TRAK1: variants seen among roughly 807,000 people sequenced by gnomAD.
TRAK1 encodes the protein trafficking kinesin-binding protein 1.
TRAK1 carries 33 observed loss-of-function variants against 92.1 expected under a neutral mutation model. The observed-to-expected ratio is 0.36, with a 90% confidence interval of 0.27 to 0.48. The LOEUF is 0.48. Ranked by LOEUF, TRAK1 falls within the 20% of genes least tolerant of loss-of-function variation. TRAK1 has a pLI of 0.99. For missense variants in TRAK1, 1,123 were observed against 1,257.9 expected (o/e 0.89, Z 1.62); for synonymous variants, 521 against 517.3 (o/e 1.01, Z -0.10).
At chr3:42,196,702 TA>T (rs1301304579) in intron 10 of TRAK1, among the ~76,000 whole-genome samples, 4 of 65,132 alleles carry the variant, frequency 6.1e-5, no homozygotes, top group Non-Finnish European at 1.3e-4. Context: ...CACGCCCGGC[TA>T]ATTTTTTTTT....
At chr3:42,032,802 C>A (rs748185674) in intron 1 of TRAK1, among the ~76,000 whole-genome samples, 1 of 152,152 alleles carries the variant, frequency 6.6e-6, no homozygotes, top group Non-Finnish European at 1.5e-5. Context: ...GCGTGCCTGT[C>A]GTTCCAGCTA....
chr3:42,019,515 G>A (rs1701655313), intron 1 of TRAK1, among the ~76,000 whole-genome samples: 1 of 152,122 alleles, frequency 6.6e-6, no homozygotes, highest in Admixed American at 6.6e-5. Flanking sequence ...CGATCCTTCT[G>A]CCTTGGCCTC....
intron 2 of TRAK1, among the ~76,000 whole-genome samples, chr3:42,140,188 TC>T (rs2149213889): frequency 6.6e-6 from 1 of 152,232 alleles, no homozygotes; most frequent in Non-Finnish European, 1.5e-5. Flanking sequence ...CAAGCTTTGT[TC>T]CCCCACCTTC....
intron 2 of TRAK1, 84 bp from the exon 3 acceptor site, chr3:42,176,730 C>T (rs1022660786): frequency 8.5e-6 from 11 of 1,291,878 alleles, no homozygotes; most frequent in Non-Finnish European, 1.2e-5. Flanking sequence ...GCAGGCACAA[C>T]ATTAGGGGCA....
chr3:42,084,166 T>C (rs546749967), upstream of TRAK1, among the ~76,000 whole-genome samples: 22 of 152,312 alleles, frequency 1.4e-4, no homozygotes, highest in African/African-American at 5.1e-4. Flanking sequence ...TGTCTTAAGC[T>C]TTTTTTGTTT....
chr3:42,112,368 C>T lies in TRAK1; in HGVS notation c.92-13052C>T, dbSNP rs570282409. Reference sequence around the variant, plus strand: ...ACTTGAACCTGGGAGGTGGAGGTTGCAGTGAGCCGAGATTGCACCACTGCA... The same window carrying T: ...ACTTGAACCTGGGAGGTGGAGGTTGTAGTGAGCCGAGATTGCACCACTGCA... On this transcript the variant is annotated intron_variant, in intron 1 of 15. Transcript: ENST00000327628. Among the ~76,000 whole-genome samples the T allele has an allele frequency of 1.4e-3, 209 of 148,980 alleles. 2 individuals are homozygous for T. The highest frequency in any genetic ancestry group is 4.7e-3 in the Admixed American group (70 of 14,964).
At chr3:42,130,894 A>T (rs967306448) in intron 2 of TRAK1, among the ~76,000 whole-genome samples, 2 of 152,130 alleles carry the variant, frequency 1.3e-5, no homozygotes, top group Non-Finnish European at 2.9e-5. Flanking sequence ...CAGCCAGGGT[A>T]TGTGGGGCCA....
intron 14 of TRAK1, chr3:42,211,593 C>G: frequency 1.0e-6 from 1 of 985,380 alleles, no homozygotes; most frequent in Non-Finnish European, 1.2e-6. Flanking sequence ...GGATGCTCCC[C>G]TACAGCCTTA....
intron 13 of TRAK1, chr3:42,203,573 C>T (rs1707963341): frequency 1.0e-6 from 1 of 983,126 alleles, no homozygotes; most frequent in Non-Finnish European, 1.2e-6. Context: ...CCAAGAGCCA[C>T]CAAGTGCTTA....
In TRAK1 at chr3:42,223,484, A is replaced by G. The variant is rs751998299; in HGVS notation, c.2609A>G (p.Gln870Arg). The G allele has an allele frequency of 3.1e-6, 5 of 1,613,792 alleles. No individual in the cohort carries two copies. The highest frequency in any genetic ancestry group is 3.4e-6 in the Non-Finnish European group (4 of 1,179,998). The stretch of plus-strand genomic sequence containing the variant: ...CATGTCCCCACCTTGACTGAGGAGC[A>G]GGGACCCCTCCTCTGTGGGCCCCCG... Reference protein sequence around the residue: ...RAHVPTLTEEQGPLLCGPPGP... With the variant: ...RAHVPTLTEERGPLLCGPPGP... The change falls in exon 16 of 16, where the codon CAG (glutamine) becomes CGG (arginine). Residue 870 changes from glutamine (Q) to arginine (R), a missense_variant. Coordinates refer to ENST00000327628, the MANE Select transcript of TRAK1 (RefSeq NM_001042646.3). The surrounding 1 kb of genome is among the most constrained non-coding windows in gnomAD (Gnocchi z 6.1).
intron 1 of TRAK1, among the ~76,000 whole-genome samples, chr3:42,094,351 G>A (rs1705580286): frequency 6.6e-6 from 1 of 152,180 alleles, no homozygotes; most frequent in Admixed American, 6.5e-5. Flanking sequence ...AGCAAGTCAG[G>A]CTGAAACTAT....
intron 1 of TRAK1, among the ~76,000 whole-genome samples, chr3:42,026,094 C>T (rs185431496): frequency 7.2e-5 from 11 of 152,164 alleles, no homozygotes; most frequent in African/African-American, 2.4e-4. Context: ...TTCTCATTCT[C>T]CCTGTCTCTC....
chr3:42,073,976 C>A (rs1346020268), intron 1 of TRAK1, among the ~76,000 whole-genome samples: 1 of 152,146 alleles, frequency 6.6e-6, no homozygotes, highest in Non-Finnish European at 1.5e-5. Context: ...CGAGTCTTTG[C>A]TTTGAGTTCC....
chr3:42,209,069 G>A (rs143638983), intron 13 of TRAK1, among the ~76,000 whole-genome samples: 311 of 152,240 alleles, frequency 2.0e-3, no homozygotes, highest in African/African-American at 6.7e-3. Context: ...TGGTGTCATC[G>A]AGAAGATGGG....
At chr3:42,177,501 A>G (rs761294802) in intron 3 of TRAK1, among the ~76,000 whole-genome samples, 4 of 152,242 alleles carry the variant, frequency 2.6e-5, no homozygotes, top group African/African-American at 4.8e-5. Flanking sequence ...GTGGGTTCTT[A>G]GTATTTGTTG....
chr3:42,172,478 A>G (rs7646311), intron 2 of TRAK1, among the ~76,000 whole-genome samples: 1,834 of 152,256 alleles, frequency 0.012, 33 homozygotes, highest in African/African-American at 0.04. Flanking sequence ...CAACAGCCTC[A>G]ATGCTTGTCA....
chr3:42,193,883 G>A lies in TRAK1; in HGVS notation c.960G>A (p.Arg320=). ...QHLGAAKDAQ[R]QLTAELRELE... is the part of the protein sequence containing the mutation. ...TGGGGGCTGCTAAGGATGCCCAGCG[G>A]CAGCTCACAGCCGAGGTGAGCACCT... is the stretch of plus-strand genomic sequence containing the variant. The change falls in exon 9 of 16, where the codon CGG becomes CGA. Residue 320 remains arginine (R), a synonymous_variant. Transcript: ENST00000327628. 6.2e-7 allele frequency: 1 copy of A among 1,614,118 alleles called. No individual in the cohort carries two copies. Among genetic ancestry groups the A allele is most frequent in the South Asian group, 1.1e-5 (1 of 91,068 alleles).
intron 6 of TRAK1, among the ~76,000 whole-genome samples, chr3:42,189,439 C>T (rs1315651037): frequency 6.6e-6 from 1 of 152,256 alleles, no homozygotes; most frequent in Non-Finnish European, 1.5e-5. Flanking sequence ...ACCACAGCAC[C>T]TGTGGAGAAA....
intron 2 of TRAK1, among the ~76,000 whole-genome samples, chr3:42,137,712 G>T (rs572051290): frequency 6.6e-6 from 1 of 152,294 alleles, no homozygotes; most frequent in South Asian, 2.1e-4. Context: ...TGATATCTCT[G>T]TGTGGGTTGG....
Sources: gnomAD v4.1 joint callset for allele counts (sites outside exome capture counted in the v4.1 genomes callset) on GRCh38, gnomAD v4.1.1 for gene constraint, Gnocchi (gnomAD v3.1) non-coding constraint, MANE v1.5 for transcripts, NCBI Gene and HGNC (gene_info 2026-07-23, HGNC 2026-07-21) for gene names.